PARD3: variants seen among roughly 807,000 people sequenced by gnomAD.
The protein encoded by PARD3 is partitioning defective 3 homolog.
Under a neutral mutation model 155.4 loss-of-function variants are expected in PARD3, and 75 were observed. That is an observed-to-expected ratio of 0.48 (90% confidence interval 0.40 to 0.58). The LOEUF (loss-of-function observed/expected upper bound fraction) is 0.58, where lower values mean the gene tolerates loss of function less well. Among genes scored for constraint, PARD3 ranks in the 20% least tolerant of loss-of-function variants. The pLI is 0.00. For missense variants in PARD3, 1,642 were observed against 1,721.7 expected, an observed-to-expected ratio of 0.95 and a Z score of 0.82; for synonymous variants, 576 against 610.5, an observed-to-expected ratio of 0.94 and a Z score of 0.83.
intron 12 of PARD3, among the ~76,000 whole-genome samples, chr10:34,371,900 T>A (rs891230641): frequency 6.6e-6 from 1 of 152,124 alleles, no homozygotes; most frequent in Non-Finnish European, 1.5e-5. Flanking sequence ...TAGTTCTGCC[T>A]GCTGGAACTA....
At chr10:34,707,079 A>G (rs530004987) in intron 1 of PARD3, among the ~76,000 whole-genome samples, 1 of 151,886 alleles carries the variant, frequency 6.6e-6, no homozygotes, top group Non-Finnish European at 1.5e-5. Flanking sequence ...AACCCCATCT[A>G]TACTAAAAAT....
intron 2 of PARD3, among the ~76,000 whole-genome samples, chr10:34,557,559 A>C (rs1374747729): frequency 6.6e-6 from 1 of 151,946 alleles, no homozygotes. Context: ...GCACATTGTA[A>C]CCTCTGCCTC....
intron 2 of PARD3, among the ~76,000 whole-genome samples, chr10:34,561,587 C>T (rs2085476060): frequency 6.6e-6 from 1 of 151,702 alleles, no homozygotes; most frequent in Admixed American, 6.6e-5. Flanking sequence ...GGCGCGATCT[C>T]GGCTCACTGC....
In PARD3 at chr10:34,553,725, GTTTTTA is replaced by G. The variant is rs2084776492; in HGVS notation, c.223-36572_223-36567del. On this transcript the variant is annotated intron_variant, in intron 2 of 24. Transcript: ENST00000374788. ...TTGGGGTTTTAGGAGAATGGTTTGG[GTTTTTA>G]TTTTATTAACCCCCTTGGATCAAAT... is the stretch of plus-strand genomic sequence containing the variant. 1.3e-5 allele frequency among the ~76,000 whole-genome samples: 2 copies of G among 152,170 alleles called. 1 individual carries two copies. Among genetic ancestry groups the G allele is most frequent in the Non-Finnish European group, 2.9e-5 (2 of 68,040 alleles).
At chr10:34,625,465 G>C (rs997658263) in intron 2 of PARD3, among the ~76,000 whole-genome samples, 3 of 152,170 alleles carry the variant, frequency 2.0e-5, no homozygotes, top group Non-Finnish European at 4.4e-5. Flanking sequence ...GTGGGCTTGG[G>C]GACTCCACAC....
rs554298639 is a variant in PARD3 at position 34,588,694 on chromosome 10, G to A, written c.223-71535C>T. Among the ~76,000 whole-genome samples the A allele has an allele frequency of 3.7e-4, 56 of 152,236 alleles. No individual in the cohort carries two copies. The South Asian group carries it at 8.9e-3, about 24-fold the overall frequency. On this transcript the variant is annotated intron_variant, in intron 2 of 24. Transcript: ENST00000374788. ...TCTCACTTTCTCTTGCTGCAATCCCGTTAGTGTTTGGCTTTGCTACACTGA... is the reference window on the plus strand; with the variant it reads ...TCTCACTTTCTCTTGCTGCAATCCCATTAGTGTTTGGCTTTGCTACACTGA...
chr10:34,736,644 T>G (rs1564563537), intron 1 of PARD3, among the ~76,000 whole-genome samples: 1 of 113,888 alleles, frequency 8.8e-6, no homozygotes, highest in East Asian at 2.2e-4. Context: ...GTTACTTTAT[T>G]AATTAATTAA....
intron 22 of PARD3, among the ~76,000 whole-genome samples, chr10:34,232,622 G>A (rs1952991055): frequency 6.6e-6 from 1 of 152,130 alleles, no homozygotes; most frequent in Non-Finnish European, 1.5e-5. Context: ...ACAAGAACTT[G>A]GTCCCCAAAT....
chr10:34,781,944 T>TG (rs778544901), intron 1 of PARD3, among the ~76,000 whole-genome samples: 9 of 152,226 alleles, frequency 5.9e-5, no homozygotes, highest in Admixed American at 1.3e-4. Flanking sequence ...GTATAATTAA[T>TG]GGATTTTCCC....
At chr10:34,607,430 G>C (rs1184209827) in intron 2 of PARD3, among the ~76,000 whole-genome samples, 1 of 152,176 alleles carries the variant, frequency 6.6e-6, no homozygotes, top group African/African-American at 2.4e-5. Flanking sequence ...ACAGCTAGAA[G>C]AGCCACTGAA....
At chr10:34,238,267 T>C (rs1037769333) in intron 22 of PARD3, among the ~76,000 whole-genome samples, 4 of 152,180 alleles carry the variant, frequency 2.6e-5, no homozygotes, top group African/African-American at 7.2e-5. Flanking sequence ...CAACAGACTG[T>C]AGTATCCCAA....
intron 2 of PARD3, among the ~76,000 whole-genome samples, chr10:34,597,392 TCTTA>T (rs2089377980): frequency 6.6e-6 from 1 of 151,684 alleles, no homozygotes. Flanking sequence ...GGCATCAACA[TCTTA>T]CTTTTTTAAC....
intron 5 of PARD3, among the ~76,000 whole-genome samples, chr10:34,432,634 G>A (rs563782120): frequency 3.9e-4 from 59 of 152,256 alleles, no homozygotes; most frequent in African/African-American, 1.3e-3. Flanking sequence ...ATGAGGTTCA[G>A]AACTGGCAGT....
intron 1 of PARD3, among the ~76,000 whole-genome samples, chr10:34,759,449 T>C (rs1180081072): frequency 1.3e-5 from 2 of 152,124 alleles, no homozygotes; most frequent in Admixed American, 1.3e-4. Context: ...CCCAAGTATT[T>C]CTAAAAGTGA....
chr10:34,783,604 CAAAAAAAAAAAAA>C (rs35411933), intron 1 of PARD3, among the ~76,000 whole-genome samples: 6 of 76,272 alleles, frequency 7.9e-5, no homozygotes, highest in East Asian at 8.7e-4. Flanking sequence ...ACTCCGTCTT[CAAAAAAAAAAAAA>C]AAAAAAAAAA....
chr10:34,426,262 T>C (rs1665207139), intron 5 of PARD3, among the ~76,000 whole-genome samples: 1 of 152,192 alleles, frequency 6.6e-6, no homozygotes, highest in African/African-American at 2.4e-5. Flanking sequence ...TACAAGATCA[T>C]GAACACTGAT....
At chr10:34,198,564 A>AT (rs1351427982) in intron 22 of PARD3, among the ~76,000 whole-genome samples, 1 of 151,342 alleles carries the variant, frequency 6.6e-6, no homozygotes, top group African/African-American at 2.4e-5. Context: ...GGTCATTATT[A>AT]TTTTTTCTTT....
chr10:34,301,802 T>C (rs940216169), intron 20 of PARD3, among the ~76,000 whole-genome samples: 3 of 145,872 alleles, frequency 2.1e-5, no homozygotes, highest in African/African-American at 7.6e-5. Flanking sequence ...TTCTTTCTTA[T>C]TGTTCTTTCT....
rs566552352 is a variant in PARD3 at position 34,462,522 on chromosome 10, A to G, written c.582+7563T>C. Among the ~76,000 whole-genome samples, 7 of 152,208 alleles carry G rather than the reference A, an allele frequency of 4.6e-5. No individual in the cohort carries two copies. In the South Asian group the frequency reaches 1.4e-3, roughly 31 times the overall value. On this transcript the variant is annotated intron_variant, in intron 4 of 24. Coordinates refer to ENST00000374788, the MANE Select transcript of PARD3 (RefSeq NM_001184785.2). ...ATGACAGTTGGCCTTGTAAATTAGA[A>G]AGAATGAATGAGGAGAAGCAGAAAT...
Sources: allele counts gnomAD v4.1 joint callset (sites outside exome capture counted in the v4.1 genomes callset), GRCh38; gene constraint gnomAD v4.1.1; transcripts MANE v1.5; gene names NCBI Gene and HGNC (gene_info 2026-07-23, HGNC 2026-07-21).